Variants in MEAF6 observed in about 807,000 individuals in gnomAD.
MEAF6 encodes the protein MYST/Esa1 associated factor 6.
A neutral mutation model predicts 28.9 loss-of-function variants in MEAF6; 15 were observed. The observed-to-expected ratio is 0.52, with a 90% CI of 0.35 to 0.80. The LOEUF is 0.80. Among genes scored for constraint, MEAF6 ranks in the 30% least tolerant of loss-of-function variants. The pLI is 0.01. For missense variants in MEAF6, 178 were observed against 237.5 expected (o/e 0.75, Z 1.65); for synonymous variants, 97 against 88.7 (o/e 1.09, Z -0.53).
In MEAF6 at chr1:37,492,434, A is replaced by G. The variant is rs1407081123; in HGVS notation, c.*1665T>C. The G allele has an allele frequency of 2.0e-5, 3 of 152,220 alleles. No homozygotes were observed. The East Asian group carries it at 5.8e-4, about 29-fold the overall frequency. The allele number at this position is 152,220 out of a possible 1,614,324, so 9.4% of individuals were successfully genotyped here. ...AGCAAAGGAGACCAACAGACAAAAAATACAGAATGCTTCTAGGATTTTTTT... is the reference window on the plus strand; with the variant it reads ...AGCAAAGGAGACCAACAGACAAAAAGTACAGAATGCTTCTAGGATTTTTTT... On this transcript the variant is annotated 3_prime_UTR_variant, in exon 7 of 7. Coordinates refer to ENST00000296214, the MANE Select transcript of MEAF6 (RefSeq NM_001270875.3).
At chr1:37,504,828 TTATC>T (rs1557609479) in intron 4 of MEAF6, among the ~76,000 whole-genome samples, 2 of 133,798 alleles carry the variant, frequency 1.5e-5, no homozygotes, top group African/African-American at 2.7e-5. Context: ...CACACACACA[TTATC>T]TATTTCTAAA....
intron 2 of MEAF6, among the ~76,000 whole-genome samples, chr1:37,511,819 T>C (rs1276095586): frequency 6.6e-6 from 1 of 152,186 alleles, no homozygotes; most frequent in African/African-American, 2.4e-5. Flanking sequence ...CTCTCCTCAA[T>C]CTTAAGACAT....
rs566192899 is a variant in MEAF6, at chr1:37,490,686, A to G, written c.*3413T>C. On this transcript the variant is annotated 3_prime_UTR_variant, in exon 7 of 7. Transcript: ENST00000296214. Reference sequence around the variant, plus strand: ...CTAAGCCTCCCAAGCAGCTGGGACTAAAGGTGCATATCACCATGCCCAGCT... The same window carrying G: ...CTAAGCCTCCCAAGCAGCTGGGACTGAAGGTGCATATCACCATGCCCAGCT... 2.0e-5 allele frequency among the ~76,000 whole-genome samples: 3 copies of G among 152,194 alleles called. No individual in the cohort carries two copies. Among genetic ancestry groups the G allele is most frequent in the Non-Finnish European group, 4.4e-5 (3 of 68,034 alleles).
rs1417568856 is a variant in MEAF6 at position 37,492,991 on chromosome 1, G to A, written c.*1108C>T. 8 of 152,282 alleles carry A rather than the reference G, an allele frequency of 5.3e-5. No individual in the cohort carries two copies. The highest frequency in any genetic ancestry group is 2.1e-4 in the South Asian group (1 of 4,826). 9.4% of individuals were successfully genotyped at this position (152,282 alleles called of 1,614,324 possible). A position where few individuals can be genotyped will look rare whatever the true frequency, so the allele number is the denominator to read the frequency against. On this transcript the variant is annotated 3_prime_UTR_variant, in exon 7 of 7. Coordinates refer to ENST00000296214, the MANE Select transcript of MEAF6 (RefSeq NM_001270875.3). The stretch of plus-strand genomic sequence containing the variant: ...TTCCAATGTGCAGCCAGACCCTGTC[G>A]CAAGTTCACCACAGCACTAGAGGCA...
Position 37,493,784 on chromosome 1 carries a change from G to C in MEAF6, c.*315C>G. 1 of 1,550,756 alleles carries C rather than the reference G, an allele frequency of 6.4e-7. No individual in the cohort carries two copies. Among genetic ancestry groups the C allele is most frequent in the South Asian group, 1.2e-5 (1 of 84,062 alleles). On this transcript the variant is annotated 3_prime_UTR_variant, in exon 7 of 7. Coordinates refer to ENST00000296214, the MANE Select transcript of MEAF6 (RefSeq NM_001270875.3). ...TTGAAGGGTATCACAGATGAAGCTG[G>C]TGCCAGCCAGTTTTGGGGGAGACAT...
chr1:37,514,603 AGGCGG>A, intron 1 of MEAF6, 49 bp downstream of exon 1: 1 of 1,380,846 alleles, frequency 7.2e-7, no homozygotes, highest in South Asian at 1.4e-5. Flanking sequence ...TGGGGCCTGG[AGGCGG>A]GGCGGGCGCG....
At chr1:37,499,842 C>G (rs1330274163) in intron 5 of MEAF6, among the ~76,000 whole-genome samples, 1 of 152,150 alleles carries the variant, frequency 6.6e-6, no homozygotes, top group Non-Finnish European at 1.5e-5. Context: ...TCCTCTTTAA[C>G]TCCTTTTTAT....
intron 5 of MEAF6, chr1:37,501,030 C>T (rs1013301738): frequency 1.3e-5 from 2 of 154,136 alleles, no homozygotes; most frequent in Admixed American, 6.5e-5. Flanking sequence ...AGAAACCGGA[C>T]ATTATACTCT....
In MEAF6 at chr1:37,514,698, G is replaced by A; in HGVS notation, c.49C>T (p.Arg17Trp). The change falls in exon 1 of 7, where the codon CGG (arginine) becomes TGG (tryptophan). Residue 17 changes from arginine (R) to tryptophan (W), a missense_variant. By Grantham distance (101) the Arg-to-Trp change is moderately radical (BLOSUM62 -3). Around this residue, in one of 2 missense-constraint regions of MEAF6, gnomAD observed 54 missense variants for 37.0 expected, o/e 1.46. Coordinates refer to ENST00000296214, the MANE Select transcript of MEAF6 (RefSeq NM_001270875.3). The part of the protein sequence containing the change: ...AAPPQIPDTR[R>W]ELAELVKRKQ... Reference sequence around the variant, plus strand: ...CGCTTCACGAGCTCCGCCAGCTCCCGCCGGGTGTCCGGGATCTGCGGCGGC... The same window carrying A: ...CGCTTCACGAGCTCCGCCAGCTCCCACCGGGTGTCCGGGATCTGCGGCGGC... 2 of 1,543,336 alleles carry A rather than the reference G, an allele frequency of 1.3e-6. No individual in the cohort carries two copies. Among genetic ancestry groups the A allele is most frequent in the Admixed American group, 1.9e-5 (1 of 53,794 alleles).
intron 2 of MEAF6, among the ~76,000 whole-genome samples, chr1:37,510,366 C>A (rs1012620065): frequency 8.6e-5 from 13 of 150,598 alleles, no homozygotes; most frequent in African/African-American, 2.9e-4. Context: ...CAGGCATGAG[C>A]CACTGCACCT....
intron 2 of MEAF6, among the ~76,000 whole-genome samples, chr1:37,511,953 T>C (rs532384500): frequency 4.1e-4 from 63 of 152,362 alleles, no homozygotes; most frequent in African/African-American, 1.5e-3. Flanking sequence ...TAATGCAGTA[T>C]TGATTTTCTA....
chr1:37,512,473 A>G (rs1642700034), intron 2 of MEAF6, among the ~76,000 whole-genome samples: 1 of 150,248 alleles, frequency 6.7e-6, no homozygotes, highest in African/African-American at 2.4e-5. Context: ...GAGGGTATCA[A>G]GTGTTCATAT....
intron 6 of MEAF6, among the ~76,000 whole-genome samples, chr1:37,495,679 T>C (rs1420568979): frequency 1.1e-5 from 1 of 87,070 alleles, no homozygotes; most frequent in Non-Finnish European, 2.2e-5. Flanking sequence ...CAAGAAACTG[T>C]CTCTCAAAAA....
chr1:37,509,007 G>A (rs531933752), intron 4 of MEAF6, among the ~76,000 whole-genome samples: 3 of 152,284 alleles, frequency 2.0e-5, no homozygotes, highest in African/African-American at 7.2e-5. Context: ...CGAGGCAGGA[G>A]GACTGCTTGA....
intron 6 of MEAF6, 36 bp from the exon 7 acceptor site, chr1:37,494,143 CG>C: frequency 6.3e-7 from 1 of 1,579,282 alleles, no homozygotes; most frequent in Non-Finnish European, 8.7e-7. Flanking sequence ...AACTTACTCT[CG>C]GCAGAACAGT....
intron 5 of MEAF6, chr1:37,496,858 A>C: frequency 9.6e-7 from 1 of 1,044,726 alleles, no homozygotes; most frequent in East Asian, 3.0e-5. Context: ...AATCTTAAGC[A>C]ACAAAGTATC....
At chr1:37,512,173 T>C (rs955269876) in intron 2 of MEAF6, among the ~76,000 whole-genome samples, 1 of 151,584 alleles carries the variant, frequency 6.6e-6, no homozygotes, top group African/African-American at 2.4e-5. Context: ...TCATTGTGGT[T>C]ACATGAATCT....
At chr1:37,504,826 C>CACAT (rs1474412761) in intron 4 of MEAF6, among the ~76,000 whole-genome samples, 1 of 147,088 alleles carries the variant, frequency 6.8e-6, no homozygotes, top group Non-Finnish European at 1.5e-5. Flanking sequence ...CACACACACA[C>CACAT]ATTATCTATT....
At chr1:37,513,017 T>G (rs966738160) in intron 2 of MEAF6, among the ~76,000 whole-genome samples, 7 of 151,668 alleles carry the variant, frequency 4.6e-5, no homozygotes, top group African/African-American at 1.7e-4. Context: ...TGGAGAAACC[T>G]CGTCTCTACT....
Sources: allele counts gnomAD v4.1 joint callset (sites outside exome capture counted in the v4.1 genomes callset), GRCh38; gene constraint gnomAD v4.1.1; regional missense constraint gnomAD v4.1.1; transcripts MANE v1.5; gene names NCBI Gene and HGNC (gene_info 2026-07-23, HGNC 2026-07-21).